KIAA0825: variants seen among roughly 807,000 people sequenced by gnomAD.
KIAA0825 encodes the protein KIAA0825, also known as uncharacterized protein KIAA0825.
A neutral mutation model predicts 147.6 loss-of-function variants in KIAA0825; 119 were observed. The observed-to-expected ratio is 0.81, with a 90% CI of 0.69 to 0.94. KIAA0825 has a LOEUF of 0.94. Ranked by LOEUF, KIAA0825 falls within the 40% of genes least tolerant of loss-of-function variation. The probability of loss-of-function intolerance (pLI) is 0.00; values close to 1 mark genes in which losing one functional copy is unlikely to be tolerated. For synonymous variants in KIAA0825, 470 were observed against 518.1 expected (o/e 0.91, Z 1.26); for missense variants, 1,381 against 1,472.7 (o/e 0.94, Z 1.02).
chr5:94,250,512 C>A (rs1457685398), intron 20 of KIAA0825, among the ~76,000 whole-genome samples: 1 of 152,042 alleles, frequency 6.6e-6, no homozygotes, highest in Non-Finnish European at 1.5e-5. Flanking sequence ...TACAAGGGCA[C>A]AAAAACTAGT....
At chr5:94,569,080 C>G (rs1231461091) in intron 2 of KIAA0825, 1 of 171,286 alleles carries the variant, frequency 5.8e-6, no homozygotes, top group Admixed American at 6.3e-5. Context: ...TGGCCCCTCC[C>G]CTTCATAAAT....
chr5:94,539,955 G>A (rs572607214), intron 2 of KIAA0825, among the ~76,000 whole-genome samples: 5 of 152,228 alleles, frequency 3.3e-5, no homozygotes, highest in African/African-American at 1.2e-4. Flanking sequence ...CACAGGACAT[G>A]GGGAGCTTTT....
intron 18 of KIAA0825, among the ~76,000 whole-genome samples, chr5:94,388,356 G>A (rs1749457927): frequency 6.6e-6 from 1 of 152,172 alleles, no homozygotes; most frequent in Non-Finnish European, 1.5e-5. Context: ...GGGGACCCCT[G>A]TTGTAGAGCA....
chr5:94,301,479 C>T (rs1778401232), intron 20 of KIAA0825, among the ~76,000 whole-genome samples: 1 of 151,984 alleles, frequency 6.6e-6, no homozygotes, highest in Non-Finnish European at 1.5e-5. Flanking sequence ...AGGTGGTGTT[C>T]CTAGCAGTAT....
At chr5:94,169,180 G>A (rs1240007609) in intron 20 of KIAA0825, among the ~76,000 whole-genome samples, 1 of 152,182 alleles carries the variant, frequency 6.6e-6, no homozygotes, top group East Asian at 1.9e-4. Flanking sequence ...TAGCTAAAGA[G>A]CCTGTTTACA....
chr5:94,505,373 A>ATCT (rs1765624132), intron 5 of KIAA0825, among the ~76,000 whole-genome samples: 1 of 151,902 alleles, frequency 6.6e-6, no homozygotes, highest in South Asian at 2.1e-4. Flanking sequence ...AAAAAAAAAA[A>ATCT]AAAAAGTTAA....
intron 20 of KIAA0825, among the ~76,000 whole-genome samples, chr5:94,293,926 G>T (rs1285176261): frequency 6.6e-6 from 1 of 152,030 alleles, no homozygotes; most frequent in Admixed American, 6.6e-5. Flanking sequence ...CAGAGATTAA[G>T]ATTGTAACCC....
rs117478963 is a variant in KIAA0825 at position 94,557,877 on chromosome 5, C to T, written c.-1-20750G>A. Among the ~76,000 whole-genome samples the T allele has an allele frequency of 1.2e-3, 187 of 152,140 alleles. 3 individuals are homozygous for T. The East Asian group carries it at 0.028, about 23-fold the overall frequency. On this transcript the variant is annotated intron_variant, in intron 2 of 20. Transcript: ENST00000682413. ...TGGTCCCTGTTTGTTATGGCTCGAG[C>T]GGTGCTTTTGCTCGCTGTCCACTAC... is the stretch of plus-strand genomic sequence containing the variant.
At chr5:94,591,842 T>C (rs1010976649) in intron 1 of KIAA0825, among the ~76,000 whole-genome samples, 11 of 152,108 alleles carry the variant, frequency 7.2e-5, no homozygotes, top group African/African-American at 2.7e-4. Context: ...CAAAGGCATA[T>C]ATTACATGAT....
Position 94,380,503 on chromosome 5 carries a change from A to G in KIAA0825, c.3710+3865T>C, listed in dbSNP as rs562246707. On this transcript the variant is annotated intron_variant, in intron 20 of 20. Transcript: ENST00000682413. ...ACCAGGATAAGGCAAACAAGGTGCT[A>G]TTCTTATTGAGTTTACATTCTACCA... Among the ~76,000 whole-genome samples the G allele has an allele frequency of 3.9e-5, 6 of 152,394 alleles. No homozygotes were observed. The East Asian group carries it at 1.2e-3, about 29-fold the overall frequency.
At chr5:94,457,975 C>A (rs1250524832) in intron 12 of KIAA0825, among the ~76,000 whole-genome samples, 2 of 152,036 alleles carry the variant, frequency 1.3e-5, no homozygotes, top group African/African-American at 4.8e-5. Context: ...TAAATAATAC[C>A]AAGAGAAGAC....
At chr5:94,373,777 C>T (rs1051227907) in intron 20 of KIAA0825, among the ~76,000 whole-genome samples, 3 of 152,130 alleles carry the variant, frequency 2.0e-5, no homozygotes, top group African/African-American at 7.2e-5. Flanking sequence ...AAGAATATTA[C>T]TAGTTGTCAC....
At chr5:94,238,089 A>G (rs1435649562) in intron 20 of KIAA0825, among the ~76,000 whole-genome samples, 1 of 152,224 alleles carries the variant, frequency 6.6e-6, no homozygotes, top group African/African-American at 2.4e-5. Flanking sequence ...CTAGTTAATG[A>G]TAAGCACACT....
intron 14 of KIAA0825, among the ~76,000 whole-genome samples, chr5:94,423,964 T>C (rs1307268058): frequency 2.0e-5 from 3 of 152,194 alleles, no homozygotes; most frequent in African/African-American, 7.2e-5. Flanking sequence ...CATTGAACTT[T>C]GTTGTATAAA....
At chr5:94,178,021 GT>G (rs1441974642) in intron 20 of KIAA0825, among the ~76,000 whole-genome samples, 1 of 152,102 alleles carries the variant, frequency 6.6e-6, no homozygotes, top group African/African-American at 2.4e-5. Flanking sequence ...AAGATTTACA[GT>G]TTTCTGATCC....
chr5:94,578,847 G>C, intron 2 of KIAA0825, among the ~76,000 whole-genome samples: 1 of 152,120 alleles, frequency 6.6e-6, no homozygotes, highest in Admixed American at 6.6e-5. Flanking sequence ...CTGGGTGATG[G>C]TAACACTGCT....
chr5:94,298,225 G>A (rs1378548970), intron 20 of KIAA0825, among the ~76,000 whole-genome samples: 1 of 151,918 alleles, frequency 6.6e-6, no homozygotes, highest in Non-Finnish European at 1.5e-5. Context: ...TCCAGCCCGG[G>A]TGACAGTGCA....
intron 20 of KIAA0825, among the ~76,000 whole-genome samples, chr5:94,296,923 C>A (rs1177912915): frequency 1.3e-5 from 2 of 152,182 alleles, no homozygotes; most frequent in African/African-American, 4.8e-5. Flanking sequence ...TCACCATACA[C>A]TGGTAATACT....
intron 20 of KIAA0825, among the ~76,000 whole-genome samples, chr5:94,236,619 C>T (rs1260748408): frequency 6.6e-6 from 1 of 152,162 alleles, no homozygotes; most frequent in East Asian, 1.9e-4. Context: ...AAAATGCTGT[C>T]AAACAGCATC....
Sources: gnomAD v4.1 joint callset for allele counts (sites outside exome capture counted in the v4.1 genomes callset) on GRCh38, gnomAD v4.1.1 for gene constraint, MANE v1.5 for transcripts, NCBI Gene and HGNC (gene_info 2026-07-23, HGNC 2026-07-21) for gene names.